Variants in ANO10 observed in about 807,000 individuals in gnomAD.
ANO10 encodes the protein anoctamin-10.
A neutral mutation model predicts 74.7 loss-of-function variants in ANO10; 77 were observed. That is an observed-to-expected ratio of 1.03 (90% CI 0.86 to 1.25). The LOEUF (loss-of-function observed/expected upper bound fraction) is 1.25, where lower values mean the gene tolerates loss of function less well. ANO10 is among the 50% of genes most tolerant of loss of function. The probability of loss-of-function intolerance (pLI) is 0.00; values close to 1 mark genes in which losing one functional copy is unlikely to be tolerated. For missense variants in ANO10, 721 were observed against 778.1 expected (o/e 0.93, Z 0.87); for synonymous variants, 279 against 284.9 (o/e 0.98, Z 0.21).
intron 1 of ANO10, among the ~76,000 whole-genome samples, chr3:43,638,200 A>G (rs1435238633): frequency 6.6e-6 from 1 of 152,232 alleles, no homozygotes. Context: ...TTGTAAGGAT[A>G]ACCTTCGAAC....
chr3:43,667,985 T>G (rs2084012749), intron 1 of ANO10, among the ~76,000 whole-genome samples: 1 of 152,164 alleles, frequency 6.6e-6, no homozygotes, highest in Admixed American at 6.5e-5. Flanking sequence ...AAAAGGTAGT[T>G]CTTTTAGTTC....
In ANO10 at chr3:43,576,927, CTTG is replaced by C. The variant is rs1384304009; in HGVS notation, c.924_926del (p.Tyr308_Lys309delinsTer). ...AGACCAGGTAAATGCGCAACTGTCT[CTTG>C]TAGCTGGGGTACAGAGGCTCCTCCT... On this transcript the variant is annotated stop_gained and inframe_deletion, in exon 6 of 13. Transcript: ENST00000292246. LOFTEE classifies it high-confidence loss of function. 6.2e-7 allele frequency: 1 copy of C among 1,614,158 alleles called. No homozygotes were observed. The highest frequency in any genetic ancestry group is 2.2e-5 in the East Asian group (1 of 44,882).
intron 11 of ANO10, among the ~76,000 whole-genome samples, chr3:43,467,898 G>C (rs1575946681): frequency 6.6e-6 from 1 of 152,076 alleles, no homozygotes; most frequent in Admixed American, 6.5e-5. Context: ...AAATACAAAC[G>C]AATTTAGAGT....
At chr3:43,438,065 G>A (rs1331239009) in intron 11 of ANO10, among the ~76,000 whole-genome samples, 1 of 150,142 alleles carries the variant, frequency 6.7e-6, no homozygotes, top group Non-Finnish European at 1.5e-5. Flanking sequence ...TGAACAGAAA[G>A]AGAATATATC....
intron 1 of ANO10, among the ~76,000 whole-genome samples, chr3:43,611,693 A>G (rs1050952434): frequency 5.3e-5 from 8 of 152,214 alleles, no homozygotes; most frequent in African/African-American, 1.2e-4. Context: ...GCATGCAACA[A>G]ATGGTAACCT....
intron 1 of ANO10, among the ~76,000 whole-genome samples, chr3:43,682,429 C>T (rs1235577608): frequency 2.0e-5 from 3 of 152,138 alleles, no homozygotes; most frequent in Non-Finnish European, 4.4e-5. Flanking sequence ...GAAGTTGAGG[C>T]AACAATTAAT....
At chr3:43,674,643 T>C (rs1365582249) in intron 1 of ANO10, among the ~76,000 whole-genome samples, 2 of 152,176 alleles carry the variant, frequency 1.3e-5, no homozygotes, top group Non-Finnish European at 2.9e-5. Context: ...CAAAGTTTAA[T>C]GTTCAGGAGT....
intron 11 of ANO10, among the ~76,000 whole-genome samples, chr3:43,528,345 G>A (rs1204759599): frequency 6.6e-6 from 1 of 151,730 alleles, no homozygotes; most frequent in Non-Finnish European, 1.5e-5. Context: ...ATAACCAGAT[G>A]AAAGTTATAA....
intron 1 of ANO10, among the ~76,000 whole-genome samples, chr3:43,687,865 T>C (rs2084294738): frequency 6.6e-6 from 1 of 152,108 alleles, no homozygotes. Context: ...CAATGACATG[T>C]GTTGGTCCAT....
chr3:43,372,771 G>C (rs1559485156), intron 12 of ANO10: 1 of 1,400,558 alleles, frequency 7.1e-7, no homozygotes. Flanking sequence ...CTAGACCCCA[G>C]GACCTATGAC....
At chr3:43,691,205 C>A in intron 1 of ANO10, 1 of 588,390 alleles carries the variant, frequency 1.7e-6, no homozygotes, top group Non-Finnish European at 2.6e-6. Context: ...CAGAGGCGTC[C>A]CGGCGCCGCT....
At chr3:43,376,988 G>T (rs2091827301) in intron 12 of ANO10, among the ~76,000 whole-genome samples, 2 of 152,202 alleles carry the variant, frequency 1.3e-5, no homozygotes, top group Admixed American at 6.5e-5. Context: ...TGTCCCAATT[G>T]TTCAGGTCAT....
chr3:43,491,629 C>G (rs2076728716), intron 11 of ANO10, among the ~76,000 whole-genome samples: 1 of 152,150 alleles, frequency 6.6e-6, no homozygotes, highest in South Asian at 2.1e-4. Context: ...CATTCCCACT[C>G]TAAAGCTTTT....
rs928619151 is a variant in ANO10 at position 43,536,392 on chromosome 3, G to A, written c.1797+13328C>T. Among the ~76,000 whole-genome samples, 10 of 152,136 alleles carry A rather than the reference G, an allele frequency of 6.6e-5. No homozygotes were observed. The East Asian group carries it at 1.7e-3, about 26-fold the overall frequency. On this transcript the variant is annotated intron_variant, in intron 11 of 12. Coordinates refer to ENST00000292246, the MANE Select transcript of ANO10 (RefSeq NM_018075.5). The stretch of plus-strand genomic sequence containing the variant: ...CCCTGTGCCCTCAAAACGGTTAGCA[G>A]CAGTAGCATATTACTTTCTACATAG...
intron 12 of ANO10, among the ~76,000 whole-genome samples, chr3:43,397,911 T>C (rs1244313676): frequency 6.6e-6 from 1 of 152,238 alleles, no homozygotes; most frequent in African/African-American, 2.4e-5. Flanking sequence ...AAAACATTGA[T>C]TCACGTATTT....
At chr3:43,370,761 CA>C in intron 12 of ANO10, among the ~76,000 whole-genome samples, 1 of 152,212 alleles carries the variant, frequency 6.6e-6, no homozygotes, top group East Asian at 1.9e-4. Flanking sequence ...CTTTAAAAAG[CA>C]CTGACTAATT....
chr3:43,370,381 T>C (rs1180932388), intron 12 of ANO10, among the ~76,000 whole-genome samples: 2 of 152,170 alleles, frequency 1.3e-5, no homozygotes, highest in Admixed American at 1.3e-4. Flanking sequence ...CTCTGATTTG[T>C]TGTCTGTCAC....
At chr3:43,450,306 C>G (rs1575851609) in intron 11 of ANO10, among the ~76,000 whole-genome samples, 1 of 151,932 alleles carries the variant, frequency 6.6e-6, no homozygotes, top group South Asian at 2.1e-4. Context: ...TTTGGGAGGG[C>G]GAGGTGGGCA....
At chr3:43,578,074 C>A (rs1233744722) in intron 5 of ANO10, among the ~76,000 whole-genome samples, 1 of 152,078 alleles carries the variant, frequency 6.6e-6, no homozygotes, top group Non-Finnish European at 1.5e-5. Context: ...GTTATTATTT[C>A]TTAGTTAATA....
Sources: gnomAD v4.1 joint callset for allele counts (sites outside exome capture counted in the v4.1 genomes callset) on GRCh38, gnomAD v4.1.1 for gene constraint, MANE v1.5 for transcripts, NCBI Gene and HGNC (gene_info 2026-07-23, HGNC 2026-07-21) for gene names.